FKBP6: variants seen among roughly 807,000 people sequenced by gnomAD.
FKBP6 encodes inactive peptidyl-prolyl cis-trans isomerase FKBP6.
FKBP6 carries 29 observed loss-of-function variants against 41.7 expected under a neutral mutation model. That is an observed-to-expected ratio of 0.70 (90% confidence interval 0.52 to 0.95). The LOEUF is 0.95. FKBP6 is among the 40% of genes least tolerant of loss of function. FKBP6 has a pLI of 0.00. For synonymous variants in FKBP6, 130 were observed against 165.1 expected (o/e 0.79, Z 1.63); for missense variants, 338 against 408.7 (o/e 0.83, Z 1.49).
At chr7:73,339,040 G>C (rs1488908580) in intron 5 of FKBP6, 1 of 151,886 alleles carries the variant, frequency 6.6e-6, no homozygotes, top group Non-Finnish European at 1.5e-5. Context: ...TCTAATCCAG[G>C]GTCACAAAAA....
chr7:73,339,441 C>A (rs1805106148), intron 5 of FKBP6, among the ~76,000 whole-genome samples: 1 of 152,122 alleles, frequency 6.6e-6, no homozygotes, highest in African/African-American at 2.4e-5. Context: ...ACATGTCTGT[C>A]CTTATGCCGG....
rs1805155236 is a variant in FKBP6, at chr7:73,340,791, A to G, written c.742A>G (p.Ile248Val). ...GTGCTATGGAGAGCAGGCTTTGATC[A>G]TTGACCAAAAGAATGCCAAGGCCCT... ...ALCYGEQALI[I>V]DQKNAKALFR... Residue 248 changes from isoleucine to valine, a missense_variant, in exon 6 of 9, where the codon ATT becomes GTT. Transcript: ENST00000252037. The G allele has an allele frequency of 3.7e-6, 6 of 1,613,950 alleles. No individual in the cohort carries two copies. The highest frequency in any genetic ancestry group is 1.7e-5 in the Admixed American group (1 of 59,990).
intron 7 of FKBP6, among the ~76,000 whole-genome samples, chr7:73,342,141 GCAC>G (rs1299903852): frequency 6.6e-6 from 1 of 152,080 alleles, no homozygotes; most frequent in Non-Finnish European, 1.5e-5. Context: ...ACGTGACTAA[GCAC>G]ACCAGTCTTT....
Position 73,334,071 on chromosome 7 carries a change from T to C in FKBP6, c.588+2295T>C, listed in dbSNP as rs75176545. Among the ~76,000 whole-genome samples the C allele has an allele frequency of 2.6e-5, 4 of 151,436 alleles. No homozygotes were observed. In the East Asian group the frequency reaches 7.7e-4, roughly 29 times the overall value. On this transcript the variant is annotated intron_variant, in intron 5 of 8. Coordinates refer to ENST00000252037, the MANE Select transcript of FKBP6 (RefSeq NM_003602.5). ...AGGGGAATAAGAGTGAAACTCCATC[T>C]CAAAAAAAAAGGTCTTGCTAGTTCT... is the stretch of plus-strand genomic sequence containing the variant.
chr7:73,338,942 G>A (rs1312795431), intron 5 of FKBP6, among the ~76,000 whole-genome samples: 2 of 152,196 alleles, frequency 1.3e-5, no homozygotes, highest in Non-Finnish European at 2.9e-5. Context: ...TCTTTGCAGT[G>A]TCCATTGAAA....
In FKBP6 at chr7:73,342,085, C is replaced by T. The variant is rs1045284519; in HGVS notation, c.893+703C>T. On this transcript the variant is annotated intron_variant, in intron 7 of 8. Coordinates refer to ENST00000252037, the MANE Select transcript of FKBP6 (RefSeq NM_003602.5). ...AGGTCCTCATGTGACCAGAAACAGG[C>T]GTTTCGGGTCTGACTCATACCCATG... Among the ~76,000 whole-genome samples the T allele has an allele frequency of 1.2e-4, 19 of 152,092 alleles. No individual in the cohort carries two copies. In the East Asian group the frequency reaches 3.1e-3, roughly 25 times the overall value.
intron 8 of FKBP6, among the ~76,000 whole-genome samples, chr7:73,352,640 AG>A (rs1805523776): frequency 6.6e-6 from 1 of 152,212 alleles, no homozygotes; most frequent in Admixed American, 6.5e-5. Context: ...CCACCGACCC[AG>A]GGTGAAGCTG....
intron 8 of FKBP6, among the ~76,000 whole-genome samples, chr7:73,349,373 C>A (rs1418163816): frequency 4.0e-5 from 6 of 150,000 alleles, no homozygotes; most frequent in Non-Finnish European, 7.4e-5. Flanking sequence ...CCACTGCGCT[C>A]CAGCCTGGGC....
chr7:73,334,196 C>T (rs116539560), intron 5 of FKBP6, among the ~76,000 whole-genome samples: 2,472 of 152,268 alleles, frequency 0.016, 25 homozygotes, highest in Middle Eastern at 0.027. Context: ...AGACGAAGAT[C>T]GTTTTTCCCC....
chr7:73,334,556 G>C (rs1804946493), intron 5 of FKBP6, among the ~76,000 whole-genome samples: 1 of 152,116 alleles, frequency 6.6e-6, no homozygotes, highest in South Asian at 2.1e-4. Context: ...GTCCAAGGTG[G>C]GAGGATTGCT....
At chr7:73,346,883 T>C (rs1805347626) in intron 8 of FKBP6, among the ~76,000 whole-genome samples, 1 of 152,132 alleles carries the variant, frequency 6.6e-6, no homozygotes, top group African/African-American at 2.4e-5. Flanking sequence ...TTACTGATTG[T>C]GGAGGAGGGC....
At chr7:73,330,057 C>G in intron 3 of FKBP6, 93 bp from the exon 4 acceptor site, 1 of 883,604 alleles carries the variant, frequency 1.1e-6, no homozygotes, top group South Asian at 1.4e-5. Flanking sequence ...GACATGGAGG[C>G]CAGAGTACTG....
intron 3 of FKBP6, chr7:73,329,851 GCC>G (rs1563309768): frequency 3.7e-6 from 2 of 538,088 alleles, no homozygotes; most frequent in African/African-American, 3.8e-5. Context: ...TCGGATGAGT[GCC>G]TGGGAGGTGA....
chr7:73,330,947 A>G (rs967286345), intron 4 of FKBP6, among the ~76,000 whole-genome samples: 1 of 152,180 alleles, frequency 6.6e-6, no homozygotes, highest in Admixed American at 6.5e-5. Context: ...ATGCTGTCTC[A>G]CACTGACTCC....
chr7:73,357,114 G>A (rs1554552063), intron 8 of FKBP6, among the ~76,000 whole-genome samples: 1 of 151,994 alleles, frequency 6.6e-6, no homozygotes, highest in East Asian at 1.9e-4. Context: ...GCCTGATGGT[G>A]CGGTGCATGC....
chr7:73,337,309 CTTTTTTT>C (rs5884903), intron 5 of FKBP6, among the ~76,000 whole-genome samples: 1 of 112,476 alleles, frequency 8.9e-6, no homozygotes, highest in African/African-American at 3.3e-5. Flanking sequence ...CTTCCATGTT[CTTTTTTT>C]TTTTTTTTTT....
chr7:73,340,533 T>C, intron 5 of FKBP6, 105 bp from the exon 6 acceptor site: 1 of 898,402 alleles, frequency 1.1e-6, no homozygotes. Context: ...TCTTGCAACC[T>C]GTAACAGCCG....
chr7:73,333,074 C>A (rs1804897229), intron 5 of FKBP6, among the ~76,000 whole-genome samples: 2 of 152,122 alleles, frequency 1.3e-5, no homozygotes, highest in African/African-American at 4.8e-5. Context: ...GAGTTTGAGA[C>A]CAGCCTGGGC....
rs141453129 is a variant in FKBP6 at position 73,330,318 on chromosome 7, G to C, written c.434G>C (p.Cys145Ser). ...FEIELLDFLD[C>S]AESDKFCALS... ...ATTGAGCTGCTTGACTTCCTGGACT[G>C]TGCTGAGTCAGACAAGTTTTGTGCT... The change falls in exon 4 of 9, where the codon TGT becomes TCT. Residue 145 changes from cysteine (C) to serine (S), a missense_variant. Cys to Ser is a moderately radical substitution (Grantham distance 112). Around this residue, in one of 2 missense-constraint regions of FKBP6, gnomAD observed 239 missense variants for 250.1 expected, o/e 0.96. Coordinates refer to ENST00000252037, the MANE Select transcript of FKBP6 (RefSeq NM_003602.5). The C allele has an allele frequency of 2.5e-4, 407 of 1,614,146 alleles. 2 individuals are homozygous for C. The African/African-American group carries it at 5.1e-3, about 20-fold the overall frequency.
Sources: gnomAD v4.1 joint callset for allele counts (sites outside exome capture counted in the v4.1 genomes callset) on GRCh38, gnomAD v4.1.1 for gene constraint, gnomAD v4.1.1 regional missense constraint, MANE v1.5 for transcripts, NCBI Gene and HGNC (gene_info 2026-07-23, HGNC 2026-07-21) for gene names.